Variants in FMO5 observed in about 807,000 individuals in gnomAD.
FMO5 encodes the protein flavin containing dimethylaniline monoxygenase 5.
A neutral mutation model predicts 43.6 loss-of-function variants in FMO5; 51 were observed. The observed-to-expected ratio is 1.17, with a 90% confidence interval of 0.93 to 1.48. The LOEUF (loss-of-function observed/expected upper bound fraction) is 1.48. Among genes scored for constraint, FMO5 ranks in the 40% most tolerant of loss-of-function variants. The pLI, the probability that FMO5 is intolerant of heterozygous loss-of-function variation, is 0.00. For synonymous variants in FMO5, 187 were observed against 216.5 expected (o/e 0.86, Z 1.20); for missense variants, 644 against 643.0 (o/e 1.00, Z -0.02).
Position 147,191,435 on chromosome 1 carries a change from C to A in FMO5, c.1184-1186G>T, listed in dbSNP as rs190969960. ...TGATTTGCATTTCTCTGATGGCCAGCGATGATGAGAATTTTTTCATGTATT... is the reference window on the plus strand; with the variant it reads ...TGATTTGCATTTCTCTGATGGCCAGAGATGATGAGAATTTTTTCATGTATT... On this transcript the variant is annotated intron_variant, in intron 7 of 8. Transcript: ENST00000254090. 6.5e-4 allele frequency among the ~76,000 whole-genome samples: 99 copies of A among 152,072 alleles called. 1 individual carries two copies. Among genetic ancestry groups the A allele is most frequent in the African/African-American group, 2.4e-3 (98 of 41,444 alleles).
chr1:147,219,195 A>G (rs1662560571), intron 2 of FMO5, among the ~76,000 whole-genome samples: 1 of 152,196 alleles, frequency 6.6e-6, no homozygotes, highest in Non-Finnish European at 1.5e-5. Context: ...ATGAAGTACA[A>G]AGGGAACTGT....
intron 7 of FMO5, among the ~76,000 whole-genome samples, chr1:147,200,409 TTC>T (rs1297733421): frequency 2.2e-4 from 33 of 152,316 alleles, no homozygotes; most frequent in African/African-American, 7.7e-4. Context: ...TAAAAAATTT[TTC>T]TCTCTCTCCT....
Position 147,224,949 on chromosome 1 carries a change from C to G in FMO5, c.81G>C (p.Leu27Phe), listed in dbSNP as rs1553927232. 1 of 1,614,090 alleles carries G rather than the reference C, an allele frequency of 6.2e-7. No individual in the cohort carries two copies. Among genetic ancestry groups the G allele is most frequent in the Non-Finnish European group, 8.5e-7 (1 of 1,180,030 alleles). Reference protein sequence around the residue: ...SSIKCCVEEGLEPVCFERTDD... With the variant: ...SSIKCCVEEGFEPVCFERTDD... Reference sequence around the variant, plus strand: ...CAGTCCTTTCAAAGCAGACAGGTTCCAAGCCTTCTTCTACGCAGCACTTGA... The same window carrying G: ...CAGTCCTTTCAAAGCAGACAGGTTCGAAGCCTTCTTCTACGCAGCACTTGA... The change falls in exon 2 of 9, where the codon TTG (leucine) becomes TTC (phenylalanine). Residue 27 changes from leucine to phenylalanine, a missense_variant. Leu to Phe is a conservative substitution (Grantham distance 22, BLOSUM62 0). Coordinates refer to ENST00000254090, the MANE Select transcript of FMO5 (RefSeq NM_001461.4).
At chr1:147,204,335 C>G (rs1659574136) in intron 6 of FMO5, 3 of 977,170 alleles carry the variant, frequency 3.1e-6, no homozygotes, top group Middle Eastern at 2.0e-4. Context: ...CTGATGTTAT[C>G]AACTTTGAAA....
At chr1:147,190,141 A>C in intron 8 of FMO5, 36 bp downstream of exon 8, 1 of 1,339,798 alleles carries the variant, frequency 7.5e-7, no homozygotes, top group East Asian at 2.3e-5. Context: ...AATAAGTAGA[A>C]ATGTAACCAT....
rs781974050 is a variant in FMO5, at chr1:147,201,247, C to G, written c.1088G>C (p.Arg363Thr). The G allele has an allele frequency of 6.2e-7, 1 of 1,614,032 alleles. No homozygotes were observed. The highest frequency in any genetic ancestry group is 8.5e-7 in the Non-Finnish European group (1 of 1,180,034). Residue 363 changes from arginine (R) to threonine (T), a missense_variant, in exon 7 of 9, where the codon AGG (arginine) becomes ACG (threonine). Physicochemically the swap from Arg to Thr is moderately conservative, Grantham distance 71. Coordinates refer to ENST00000254090, the MANE Select transcript of FMO5 (RefSeq NM_001461.4). ...CAAGCCTATGATTGCAAGAGTTGGCCTTTCCAGGTTAGGAGGGAAGACCTT... is the reference window on the plus strand; with the variant it reads ...CAAGCCTATGATTGCAAGAGTTGGCGTTTCCAGGTTAGGAGGGAAGACCTT... ...YKKVFPPNLE[R>T]PTLAIIGLIQ... is the part of the protein sequence containing the mutation.
At chr1:147,185,599 A>G (rs1416144112), downstream of FMO5, among the ~76,000 whole-genome samples, 2 of 152,188 alleles carry the variant, frequency 1.3e-5, no homozygotes, top group Non-Finnish European at 2.9e-5. Flanking sequence ...TCACATTTCC[A>G]GTTCTCTTAC....
At chr1:147,208,764 T>C in intron 6 of FMO5, 88 bp downstream of exon 6, 1 of 1,069,638 alleles carries the variant, frequency 9.3e-7, no homozygotes, top group Non-Finnish European at 1.4e-6. Context: ...AATGTATGGG[T>C]AGAGGTGGCT....
At chr1:147,207,535 T>A (rs1660311692) in intron 6 of FMO5, among the ~76,000 whole-genome samples, 1 of 152,194 alleles carries the variant, frequency 6.6e-6, no homozygotes, top group Non-Finnish European at 1.5e-5. Context: ...TTCTTCTCAT[T>A]AGAGTATTTA....
Position 147,215,996 on chromosome 1 carries a change from T to C in FMO5, c.136-54A>G, listed in dbSNP as rs587667651. The C allele has an allele frequency of 7.3e-5, 99 of 1,362,386 alleles. No individual in the cohort carries two copies. In the African/African-American group the frequency reaches 8.7e-4, roughly 12 times the overall value. 84.4% of individuals were successfully genotyped at this position (1,362,386 alleles called of 1,614,324 possible). ...ACTTGAGGATCATCTTCATGTTTTA[T>C]AATAGCCAATAGACATCTGAAAAAG... On this transcript the variant is annotated intron_variant, in intron 2 of 8. Coordinates refer to ENST00000254090, the MANE Select transcript of FMO5 (RefSeq NM_001461.4).
At chr1:147,203,722 C>T (rs944358857) in intron 6 of FMO5, 12 of 1,523,716 alleles carry the variant, frequency 7.9e-6, no homozygotes, top group Non-Finnish European at 1.1e-5. Flanking sequence ...GACGTTTATC[C>T]CTTGTAAGAA....
chr1:147,185,041 G>A (rs587708318), downstream of FMO5, among the ~76,000 whole-genome samples: 1 of 152,112 alleles, frequency 6.6e-6, no homozygotes, highest in South Asian at 2.1e-4. Context: ...TTTAATATAA[G>A]AACAAGATAT....
intron 6 of FMO5, chr1:147,203,294 C>G (rs1175680076): frequency 3.1e-6 from 5 of 1,593,164 alleles, no homozygotes; most frequent in Non-Finnish European, 4.3e-6. Flanking sequence ...TGGTCATCAT[C>G]CCAGTCTTTC....
chr1:147,206,055 C>T (rs1659978802), intron 6 of FMO5, among the ~76,000 whole-genome samples: 1 of 150,748 alleles, frequency 6.6e-6, no homozygotes, highest in Non-Finnish European at 1.5e-5. Flanking sequence ...ACAAAGAACT[C>T]ATACAAATTT....
chr1:147,198,465 G>A (rs956504572), intron 7 of FMO5, among the ~76,000 whole-genome samples: 2 of 152,114 alleles, frequency 1.3e-5, no homozygotes, highest in East Asian at 3.9e-4. Context: ...CAAAAGCACA[G>A]GGTACAAGGG....
chr1:147,222,111 T>G (rs920890845), intron 2 of FMO5, among the ~76,000 whole-genome samples: 4 of 152,332 alleles, frequency 2.6e-5, no homozygotes, highest in Admixed American at 6.5e-5. Flanking sequence ...GGCTCATGCC[T>G]GTAATCCCCA....
chr1:147,216,872 T>A (rs1662078761), intron 2 of FMO5, among the ~76,000 whole-genome samples: 1 of 152,234 alleles, frequency 6.6e-6, no homozygotes, highest in African/African-American at 2.4e-5. Flanking sequence ...CAAACTGAGA[T>A]GCACTGCATT....
intron 7 of FMO5, among the ~76,000 whole-genome samples, chr1:147,199,447 A>G (rs773763823): frequency 1.2e-4 from 18 of 152,184 alleles, no homozygotes; most frequent in Non-Finnish European, 2.1e-4. Context: ...AATTAGCACT[A>G]GGCTTCTGCT....
intron 2 of FMO5, among the ~76,000 whole-genome samples, chr1:147,219,697 A>T (rs998031675): frequency 2.6e-5 from 4 of 151,832 alleles, no homozygotes; most frequent in Non-Finnish European, 4.4e-5. Flanking sequence ...ATAACTTTTT[A>T]TTTGCAGATG....
Sources: allele counts gnomAD v4.1 joint callset (sites outside exome capture counted in the v4.1 genomes callset), GRCh38; gene constraint gnomAD v4.1.1; transcripts MANE v1.5; gene names NCBI Gene and HGNC (gene_info 2026-07-23, HGNC 2026-07-21).